Variants in NTM observed in about 807,000 individuals in gnomAD.
NTM encodes neurotrimin.
NTM carries 13 observed loss-of-function variants against 42.1 expected under a neutral mutation model. The observed-to-expected ratio is 0.31, with a 90% confidence interval of 0.20 to 0.49. The LOEUF (loss-of-function observed/expected upper bound fraction) is 0.49. NTM is among the 20% of genes least tolerant of loss of function. NTM has a pLI of 0.99. For synonymous variants in NTM, 187 were observed against 179.2 expected (o/e 1.04, Z -0.35); for missense variants, 373 against 452.8 (o/e 0.82, Z 1.60).
chr11:131,583,198 C>A (rs1008444125), intron 1 of NTM, among the ~76,000 whole-genome samples: 1 of 152,274 alleles, frequency 6.6e-6, no homozygotes, highest in Admixed American at 6.5e-5. Flanking sequence ...GGTCCCTAAG[C>A]TGAATACCAG....
chr11:131,788,153 G>C (rs191785090), intron 1 of NTM, among the ~76,000 whole-genome samples: 1 of 152,018 alleles, frequency 6.6e-6, no homozygotes, highest in Non-Finnish European at 1.5e-5. Flanking sequence ...TCCATGTTAA[G>C]TCCGTCATTT....
intron 1 of NTM, among the ~76,000 whole-genome samples, chr11:131,797,481 G>A (rs975883197): frequency 1.3e-5 from 2 of 152,290 alleles, no homozygotes; most frequent in East Asian, 3.9e-4. Flanking sequence ...AGAATCGAAG[G>A]AAATATGAGA....
intron 1 of NTM, among the ~76,000 whole-genome samples, chr11:131,689,173 C>T (rs183619789): frequency 6.6e-6 from 1 of 152,300 alleles, no homozygotes; most frequent in Admixed American, 6.5e-5. Flanking sequence ...GGACCGAGCC[C>T]CTTCTCCTGG....
At chr11:132,080,006 G>T (rs2058834255) in intron 2 of NTM, among the ~76,000 whole-genome samples, 2 of 152,164 alleles carry the variant, frequency 1.3e-5, no homozygotes, top group South Asian at 4.2e-4. Context: ...AACAAATATG[G>T]ATTTGGTGGA....
chr11:131,624,472 A>C (rs2062905798), intron 1 of NTM, among the ~76,000 whole-genome samples: 1 of 152,164 alleles, frequency 6.6e-6, no homozygotes, highest in Non-Finnish European at 1.5e-5. Context: ...CTGTGGCCTC[A>C]TAAGCCAGGG....
intron 1 of NTM, among the ~76,000 whole-genome samples, chr11:131,636,002 C>T (rs2064320136): frequency 6.6e-6 from 1 of 152,228 alleles, no homozygotes; most frequent in Non-Finnish European, 1.5e-5. Context: ...CCACGGTCTA[C>T]CATCGAGGTT....
At chr11:131,551,143 C>T (rs1053127556) in intron 1 of NTM, among the ~76,000 whole-genome samples, 2 of 152,278 alleles carry the variant, frequency 1.3e-5, no homozygotes, top group South Asian at 4.1e-4. Context: ...GTAGCAGGGA[C>T]CACAGGTGTG....
chr11:131,736,851 T>G (rs999516237), intron 1 of NTM, among the ~76,000 whole-genome samples: 5 of 152,112 alleles, frequency 3.3e-5, no homozygotes, highest in Admixed American at 3.3e-4. Flanking sequence ...GGAGCTTCAT[T>G]TATCTGCGTT....
rs146903401 is a variant in NTM at position 131,427,403 on chromosome 11, C to G, written c.82+56515C>G. Among the ~76,000 whole-genome samples, 188 of 152,274 alleles carry G rather than the reference C, an allele frequency of 1.2e-3. 1 individual carries two copies. Among genetic ancestry groups the G allele is most frequent in the African/African-American group, 3.2e-3 (132 of 41,552 alleles). On this transcript the variant is annotated intron_variant, in intron 1 of 8. Transcript: ENST00000683400. The stretch of plus-strand genomic sequence containing the variant: ...AGTATAGCTTCTCAGTTTACCTTCT[C>G]TGATCCAGGGACAAGAAAGAAGAAA...
At chr11:132,085,665 A>C (rs1281046624) in intron 2 of NTM, among the ~76,000 whole-genome samples, 1 of 152,168 alleles carries the variant, frequency 6.6e-6, no homozygotes, top group Non-Finnish European at 1.5e-5. Flanking sequence ...TTTTCTTTAG[A>C]CCAATTAATT....
intron 1 of NTM, among the ~76,000 whole-genome samples, chr11:131,500,554 T>A (rs10894406): frequency 2.7e-5 from 2 of 72,808 alleles, no homozygotes; most frequent in Admixed American, 1.5e-4. Context: ...TATATATATA[T>A]ATATATATAT....
intron 1 of NTM, chr11:131,796,013 C>A (rs2091515532): frequency 2.0e-6 from 2 of 985,168 alleles, no homozygotes; most frequent in African/African-American, 1.7e-5. Flanking sequence ...TGTGCAGGGG[C>A]AATCAGCTGC....
chr11:132,268,269 A>G (rs904453945), intron 4 of NTM, among the ~76,000 whole-genome samples: 7 of 152,186 alleles, frequency 4.6e-5, no homozygotes, highest in Non-Finnish European at 7.3e-5. Flanking sequence ...TACAATTTTT[A>G]AGTCATGATG....
At chr11:131,694,164 C>T (rs958496043) in intron 1 of NTM, among the ~76,000 whole-genome samples, 1 of 152,166 alleles carries the variant, frequency 6.6e-6, no homozygotes, top group African/African-American at 2.4e-5. Flanking sequence ...CATATAGAGG[C>T]CTATTCAATG....
intron 1 of NTM, among the ~76,000 whole-genome samples, chr11:131,642,164 G>C (rs2065223671): frequency 6.6e-6 from 1 of 152,160 alleles, no homozygotes; most frequent in Non-Finnish European, 1.5e-5. Flanking sequence ...TGGAGCAGTT[G>C]GTCAGGCTGG....
At chr11:132,211,036 A>G (rs1291619155) in intron 3 of NTM, among the ~76,000 whole-genome samples, 1 of 152,226 alleles carries the variant, frequency 6.6e-6, no homozygotes, top group Admixed American at 6.5e-5. Flanking sequence ...CTCTGGGCAC[A>G]TGGATGAAGA....
chr11:132,271,777 T>C, intron 4 of NTM, among the ~76,000 whole-genome samples: 1 of 151,918 alleles, frequency 6.6e-6, no homozygotes, highest in Admixed American at 6.6e-5. Context: ...GAGTTCTTTA[T>C]ATTTTCTATA....
intron 1 of NTM, chr11:131,535,538 T>C (rs546955183): frequency 1.4e-4 from 21 of 152,190 alleles, no homozygotes; most frequent in Admixed American, 9.2e-4. Flanking sequence ...TGTTAACTGC[T>C]ATACAAATGG....
intron 2 of NTM, among the ~76,000 whole-genome samples, chr11:131,966,796 A>C (rs1329204943): frequency 6.6e-6 from 1 of 152,106 alleles, no homozygotes; most frequent in African/African-American, 2.4e-5. Flanking sequence ...GGTAGAATGG[A>C]ATGTGTTCTA....
Sources: allele counts gnomAD v4.1 joint callset (sites outside exome capture counted in the v4.1 genomes callset), GRCh38; gene constraint gnomAD v4.1.1; transcripts MANE v1.5; gene names NCBI Gene and HGNC (gene_info 2026-07-23, HGNC 2026-07-21).